MAML2: variants seen among roughly 807,000 people sequenced by gnomAD.
MAML2 encodes mastermind like transcriptional coactivator 2.
MAML2 carries 22 observed loss-of-function variants against 96.1 expected under a neutral mutation model. The observed-to-expected ratio is 0.23, with a 90% CI of 0.16 to 0.33. The LOEUF (loss-of-function observed/expected upper bound fraction) is 0.33, where lower values mean the gene tolerates loss of function less well. Among genes scored for constraint, MAML2 ranks in the 10% least tolerant of loss-of-function variants. MAML2 has a pLI of 1.00. For missense variants in MAML2, 1,367 were observed against 1,392.4 expected, an observed-to-expected ratio of 0.98 and a Z score of 0.29; for synonymous variants, 561 against 521.3, an observed-to-expected ratio of 1.08 and a Z score of -1.04.
intron 1 of MAML2, among the ~76,000 whole-genome samples, chr11:96,236,725 A>G (rs1212008107): frequency 2.6e-5 from 4 of 152,176 alleles, no homozygotes; most frequent in African/African-American, 9.7e-5. Flanking sequence ...TATGTCATCA[A>G]TCTGGAGGGT....
chr11:96,001,947 C>T (rs529911767), intron 2 of MAML2, among the ~76,000 whole-genome samples: 7 of 152,294 alleles, frequency 4.6e-5, no homozygotes, highest in Non-Finnish European at 1.0e-4. Context: ...GTCATATCCT[C>T]TCTGCCTGGA....
chr11:96,002,392 G>A (rs1461102273), intron 2 of MAML2, among the ~76,000 whole-genome samples: 1 of 152,242 alleles, frequency 6.6e-6, no homozygotes, highest in Non-Finnish European at 1.5e-5. Flanking sequence ...CAAAGGTTGA[G>A]CAACATTTTT....
At chr11:96,237,734 G>A (rs1862384122) in intron 1 of MAML2, among the ~76,000 whole-genome samples, 2 of 152,134 alleles carry the variant, frequency 1.3e-5, no homozygotes, top group South Asian at 2.1e-4. Flanking sequence ...CAACACATTC[G>A]GAAAACTACA....
chr11:96,160,726 C>T (rs1861090070), intron 1 of MAML2, among the ~76,000 whole-genome samples: 1 of 152,194 alleles, frequency 6.6e-6, no homozygotes, highest in Admixed American at 6.5e-5. Context: ...CTGAGCCCAA[C>T]CCAGTTTTCT....
intron 1 of MAML2, among the ~76,000 whole-genome samples, chr11:96,285,585 G>T (rs771974399): frequency 6.6e-6 from 1 of 151,916 alleles, no homozygotes; most frequent in Non-Finnish European, 1.5e-5. Context: ...TCTGACAAAG[G>T]TCTAATATCC....
intron 1 of MAML2, among the ~76,000 whole-genome samples, chr11:96,244,810 C>A (rs1862489241): frequency 6.6e-6 from 1 of 152,172 alleles, no homozygotes; most frequent in Non-Finnish European, 1.5e-5. Flanking sequence ...ATCCATCTAT[C>A]CGTCTGTCTG....
chr11:96,199,196 CAAAAAAAAAAAA>C (rs71459791), intron 1 of MAML2, among the ~76,000 whole-genome samples: 5 of 58,590 alleles, frequency 8.5e-5, no homozygotes, highest in African/African-American at 3.4e-4. Flanking sequence ...GCCTCCGTCT[CAAAAAAAAAAAA>C]AAAAAAAAAA....
At chr11:96,122,545 T>A (rs970398549) in intron 1 of MAML2, among the ~76,000 whole-genome samples, 13 of 151,666 alleles carry the variant, frequency 8.6e-5, no homozygotes, top group Non-Finnish European at 1.5e-4. Context: ...TGCACGTGCA[T>A]GTTTGTGTAT....
At position 96,088,363 on chromosome 11, in the gene MAML2, A is replaced by T. The variant is rs78654448; in HGVS notation, c.2139+3529T>A. On this transcript the variant is annotated intron_variant, in intron 2 of 4. Transcript: ENST00000524717. Reference sequence around the variant, plus strand: ...ATGTTAGAAAAAAATTCACACTTTTAAGTGACTGATTATATAGCTCTGAAA... The same window carrying T: ...ATGTTAGAAAAAAATTCACACTTTTTAGTGACTGATTATATAGCTCTGAAA... 6.3e-3 allele frequency among the ~76,000 whole-genome samples: 967 copies of T among 152,322 alleles called. 12 individuals are homozygous for T. The highest frequency in any genetic ancestry group is 0.022 in the African/African-American group (918 of 41,572).
intron 3 of MAML2, among the ~76,000 whole-genome samples, chr11:95,988,973 G>A (rs1857869310): frequency 6.6e-6 from 1 of 152,150 alleles, no homozygotes; most frequent in South Asian, 2.1e-4. Context: ...TGTGAGATGT[G>A]GATAATTATA....
intron 1 of MAML2, among the ~76,000 whole-genome samples, chr11:96,161,107 T>C (rs1281264752): frequency 1.3e-5 from 2 of 152,172 alleles, no homozygotes; most frequent in Non-Finnish European, 2.9e-5. Flanking sequence ...AGTAGGAATG[T>C]CACTGAAGGA....
chr11:96,100,055 AGCT>A (rs1304632648), intron 1 of MAML2, among the ~76,000 whole-genome samples: 1 of 152,210 alleles, frequency 6.6e-6, no homozygotes, highest in Non-Finnish European at 1.5e-5. Context: ...GGGTGTATGA[AGCT>A]TTGTGATGGA....
intron 1 of MAML2, among the ~76,000 whole-genome samples, chr11:96,296,500 G>A (rs368048276): frequency 6.6e-6 from 1 of 152,128 alleles, no homozygotes; most frequent in African/African-American, 2.4e-5. Flanking sequence ...AAAATTAGCT[G>A]GGTGTGGTGG....
At chr11:96,226,937 A>T (rs1458027957) in intron 1 of MAML2, among the ~76,000 whole-genome samples, 1 of 152,246 alleles carries the variant, frequency 6.6e-6, no homozygotes, top group Non-Finnish European at 1.5e-5. Flanking sequence ...ATATCTTCAC[A>T]TCAATTCATT....
intron 1 of MAML2, among the ~76,000 whole-genome samples, chr11:96,279,687 T>C (rs1267700273): frequency 6.6e-6 from 1 of 152,236 alleles, no homozygotes; most frequent in Admixed American, 6.5e-5. Context: ...GTCATACCTA[T>C]GGCTCACCTG....
chr11:96,250,354 A>C (rs1337659672), intron 1 of MAML2, among the ~76,000 whole-genome samples: 1 of 152,202 alleles, frequency 6.6e-6, no homozygotes, highest in Admixed American at 6.5e-5. Flanking sequence ...TGCTCTGATC[A>C]AGATAATTAG....
chr11:96,079,285 A>ATACATACACATGTATAT (rs1251080345), intron 2 of MAML2, among the ~76,000 whole-genome samples: 1 of 152,238 alleles, frequency 6.6e-6, no homozygotes, highest in Non-Finnish European at 1.5e-5. Context: ...CTTAAATTAT[A>ATACATACACATGTATAT]TACATACACA....
At chr11:96,189,474 G>A (rs938510723) in intron 1 of MAML2, among the ~76,000 whole-genome samples, 1 of 152,080 alleles carries the variant, frequency 6.6e-6, no homozygotes, top group African/African-American at 2.4e-5. Context: ...ACACTATTGC[G>A]GGATAGACTA....
intron 1 of MAML2, among the ~76,000 whole-genome samples, chr11:96,101,274 C>T (rs1388827061): frequency 5.9e-5 from 9 of 152,106 alleles, no homozygotes; most frequent in Admixed American, 1.3e-4. Context: ...GAATTTGCCT[C>T]GGAAACACTC....
Sources: allele counts gnomAD v4.1 joint callset (sites outside exome capture counted in the v4.1 genomes callset), GRCh38; gene constraint gnomAD v4.1.1; transcripts MANE v1.5; gene names NCBI Gene and HGNC (gene_info 2026-07-23, HGNC 2026-07-21).